The following PDZD2 variants were observed in gnomAD, a reference collection of about 807,000 sequenced individuals.
The protein encoded by PDZD2 is PDZ domain-containing protein 2.
In PDZD2, 90 loss-of-function variants were observed where a neutral mutation model predicts 220.7. The observed-to-expected ratio is 0.41, with a 90% CI of 0.34 to 0.49. The LOEUF is 0.49. PDZD2 is among the 20% of genes least tolerant of loss of function. The probability of loss-of-function intolerance (pLI) is 0.28; values close to 1 mark genes in which losing one functional copy is unlikely to be tolerated. For synonymous variants in PDZD2, 1,375 were observed against 1,450.5 expected (o/e 0.95, Z 1.18); for missense variants, 3,174 against 3,608.5 (o/e 0.88, Z 3.08).
chr5:32,062,822 C>T (rs1348524799), intron 14 of PDZD2, among the ~76,000 whole-genome samples: 1 of 152,100 alleles, frequency 6.6e-6, no homozygotes, highest in African/African-American at 2.4e-5. Flanking sequence ...CGTGCATTCA[C>T]ATTTTCCAAT....
Position 31,815,630 on chromosome 5 carries a change from A to G in PDZD2, c.476+15906A>G, listed in dbSNP as rs987789160. Among the ~76,000 whole-genome samples the G allele has an allele frequency of 2.0e-5, 3 of 152,128 alleles. No individual in the cohort carries two copies. In the East Asian group the frequency reaches 5.8e-4, roughly 29 times the overall value. ...CTAAGGGAAGAGAATATAATGAGGC[A>G]TGTCCTGCGCCTTTTTGCCTGTCAT... On this transcript the variant is annotated intron_variant, in intron 2 of 24. Coordinates refer to ENST00000438447, the MANE Select transcript of PDZD2 (RefSeq NM_178140.4).
At chr5:31,686,282 T>C (rs978544526) in intron 1 of PDZD2, among the ~76,000 whole-genome samples, 2 of 152,104 alleles carry the variant, frequency 1.3e-5, no homozygotes, top group African/African-American at 4.8e-5. Context: ...TCTTCATTGA[T>C]AGTTTTTAAG....
intron 2 of PDZD2, among the ~76,000 whole-genome samples, chr5:31,890,760 G>A (rs1485207907): frequency 1.3e-5 from 2 of 152,116 alleles, no homozygotes; most frequent in Non-Finnish European, 2.9e-5. Flanking sequence ...AATCCAAGGA[G>A]GAGTTTCTCT....
chr5:32,028,795 G>A (rs1754899499), intron 6 of PDZD2, among the ~76,000 whole-genome samples: 1 of 150,494 alleles, frequency 6.6e-6, no homozygotes, highest in Non-Finnish European at 1.5e-5. Context: ...GAATTCTCCT[G>A]CCTTAGCCTC....
At chr5:32,078,812 A>C (rs1179782383) in intron 19 of PDZD2, among the ~76,000 whole-genome samples, 1 of 151,762 alleles carries the variant, frequency 6.6e-6, no homozygotes, top group Non-Finnish European at 1.5e-5. Context: ...CTCTGGGAAA[A>C]AAAAAAAAGT....
At chr5:31,849,929 T>C (rs1283691606) in intron 2 of PDZD2, among the ~76,000 whole-genome samples, 1 of 21,458 alleles carries the variant, frequency 4.7e-5, no homozygotes, top group Admixed American at 5.5e-4. Context: ...CATATATATA[T>C]ATACACATAT....
intron 14 of PDZD2, among the ~76,000 whole-genome samples, chr5:32,064,424 G>A (rs1250383920): frequency 6.6e-6 from 1 of 151,814 alleles, no homozygotes; most frequent in Non-Finnish European, 1.5e-5. Flanking sequence ...TGTATTTTTA[G>A]TAGAGATGGG....
intron 1 of PDZD2, among the ~76,000 whole-genome samples, chr5:31,682,412 A>G (rs759378707): frequency 3.3e-5 from 5 of 152,218 alleles, no homozygotes; most frequent in Non-Finnish European, 7.3e-5. Context: ...CCTGGCTTCC[A>G]ATAAAGGTGG....
At chr5:31,790,851 A>G (rs1202960494) in intron 1 of PDZD2, among the ~76,000 whole-genome samples, 2 of 151,508 alleles carry the variant, frequency 1.3e-5, no homozygotes, top group African/African-American at 2.4e-5. Context: ...GGCACCCACC[A>G]CCGCACCCAG....
At chr5:31,795,861 C>G (rs900224949) in intron 1 of PDZD2, among the ~76,000 whole-genome samples, 1 of 152,170 alleles carries the variant, frequency 6.6e-6, no homozygotes, top group African/African-American at 2.4e-5. Flanking sequence ...GGAAAGCCCT[C>G]AATTATAGGT....
intron 21 of PDZD2, among the ~76,000 whole-genome samples, chr5:32,096,508 G>A (rs1457382270): frequency 1.3e-5 from 2 of 152,140 alleles, no homozygotes; most frequent in Non-Finnish European, 1.5e-5. Context: ...CAGTAGAGAC[G>A]GGGTTTCGCC....
At chr5:31,841,637 C>A (rs1251388656) in intron 2 of PDZD2, among the ~76,000 whole-genome samples, 1 of 151,748 alleles carries the variant, frequency 6.6e-6, no homozygotes, top group East Asian at 1.9e-4. Flanking sequence ...TGCACCACTG[C>A]ACTCCAGCCT....
intron 7 of PDZD2, among the ~76,000 whole-genome samples, chr5:32,044,025 G>A (rs1457595958): frequency 2.0e-5 from 3 of 152,072 alleles, no homozygotes; most frequent in Non-Finnish European, 4.4e-5. Context: ...GTTTGAATGG[G>A]TTCAGACAGG....
At chr5:31,749,324 G>A (rs1750793470) in intron 1 of PDZD2, among the ~76,000 whole-genome samples, 1 of 152,116 alleles carries the variant, frequency 6.6e-6, no homozygotes, top group Non-Finnish European at 1.5e-5. Flanking sequence ...AGAAAATGAA[G>A]CTCAGAGGGG....
At chr5:32,028,797 C>T (rs1754900032) in intron 6 of PDZD2, among the ~76,000 whole-genome samples, 1 of 151,812 alleles carries the variant, frequency 6.6e-6, no homozygotes, top group African/African-American at 2.4e-5. Context: ...ATTCTCCTGC[C>T]TTAGCCTCCC....
chr5:32,003,160 A>C (rs1752431179), intron 5 of PDZD2, among the ~76,000 whole-genome samples: 1 of 53,358 alleles, frequency 1.9e-5, no homozygotes, highest in African/African-American at 4.7e-5. Context: ...CACCACCAAC[A>C]CACACACCAC....
At chr5:31,834,208 C>G (rs954612524) in intron 2 of PDZD2, among the ~76,000 whole-genome samples, 3 of 152,202 alleles carry the variant, frequency 2.0e-5, no homozygotes, top group Non-Finnish European at 4.4e-5. Flanking sequence ...TTTAAGGGAC[C>G]CCACAGCTCA....
intron 1 of PDZD2, among the ~76,000 whole-genome samples, chr5:31,689,354 T>TATATATATATATATATA (rs1554063278): frequency 1.5e-3 from 40 of 27,174 alleles, no homozygotes; most frequent in African/African-American, 9.3e-3. Context: ...TATATATATA[T>TATATATATATATATATA]TTTTTTTTTT....
chr5:31,907,229 G>A (rs1316289511), intron 2 of PDZD2, among the ~76,000 whole-genome samples: 4 of 152,210 alleles, frequency 2.6e-5, no homozygotes, highest in East Asian at 1.9e-4. Flanking sequence ...CTGGAAAGAC[G>A]AAAGTACCAG....
Sources: gnomAD v4.1 joint callset for allele counts (sites outside exome capture counted in the v4.1 genomes callset) on GRCh38, gnomAD v4.1.1 for gene constraint, MANE v1.5 for transcripts, NCBI Gene and HGNC (gene_info 2026-07-23, HGNC 2026-07-21) for gene names.